The following MACROD2 variants were observed in gnomAD, a reference collection of about 807,000 sequenced individuals.
The protein encoded by MACROD2 is ADP-ribose glycohydrolase MACROD2.
MACROD2 carries 36 observed loss-of-function variants against 70.4 expected under a neutral mutation model. The ratio of observed to expected loss-of-function variants is 0.51; its 90% CI spans 0.39 to 0.68. MACROD2 has a LOEUF of 0.68. Among genes scored for constraint, MACROD2 ranks in the 30% least tolerant of loss-of-function variants. The probability of loss-of-function intolerance (pLI) is 0.00; values close to 1 mark genes in which losing one functional copy is unlikely to be tolerated. For synonymous variants in MACROD2, 172 were observed against 178.8 expected (o/e 0.96, Z 0.30); for missense variants, 496 against 538.4 (o/e 0.92, Z 0.78).
chr20:14,649,505 G>A (rs140201221), intron 4 of MACROD2, among the ~76,000 whole-genome samples: 40 of 152,252 alleles, frequency 2.6e-4, no homozygotes, highest in African/African-American at 8.7e-4. Context: ...TCCAGCTCCC[G>A]AAGAGGAGTT....
intron 3 of MACROD2, among the ~76,000 whole-genome samples, chr20:14,474,153 G>T (rs1239464704): frequency 6.6e-6 from 1 of 151,336 alleles, no homozygotes; most frequent in African/African-American, 2.4e-5. Flanking sequence ...GTTTCCCTTT[G>T]CTGTGCAGAA....
intron 8 of MACROD2, among the ~76,000 whole-genome samples, chr20:15,800,235 A>G (rs558100879): frequency 1.3e-4 from 20 of 152,184 alleles, no homozygotes; most frequent in African/African-American, 4.8e-4. Context: ...TCTGTAAGTT[A>G]TCTCTTCACT....
At chr20:14,469,688 T>G (rs1476844289) in intron 3 of MACROD2, among the ~76,000 whole-genome samples, 1 of 151,934 alleles carries the variant, frequency 6.6e-6, no homozygotes, top group Non-Finnish European at 1.5e-5. Flanking sequence ...ATCTTCAATC[T>G]CTGATATCCT....
intron 3 of MACROD2, among the ~76,000 whole-genome samples, chr20:14,248,174 G>A (rs984756358): frequency 1.3e-5 from 2 of 152,160 alleles, no homozygotes; most frequent in African/African-American, 4.8e-5. Flanking sequence ...TTCAGAGTCA[G>A]GAATAAGCTC....
chr20:14,608,683 G>A (rs542246576), intron 4 of MACROD2, among the ~76,000 whole-genome samples: 2 of 152,286 alleles, frequency 1.3e-5, no homozygotes, highest in African/African-American at 4.8e-5. Flanking sequence ...AGGATGAGGG[G>A]AGAGCGACAA....
chr20:15,426,144 T>C (rs531762941), intron 6 of MACROD2, among the ~76,000 whole-genome samples: 3 of 149,806 alleles, frequency 2.0e-5, no homozygotes, highest in African/African-American at 4.9e-5. Flanking sequence ...TTCCCTCCAC[T>C]ATTGTCCTAT....
intron 8 of MACROD2, among the ~76,000 whole-genome samples, chr20:15,662,281 C>T (rs914544302): frequency 3.3e-5 from 5 of 152,174 alleles, no homozygotes; most frequent in Admixed American, 1.3e-4. Context: ...TCAGTATCCC[C>T]GGGCACGGGG....
At chr20:15,095,745 C>T (rs950336512) in intron 5 of MACROD2, among the ~76,000 whole-genome samples, 2 of 151,978 alleles carry the variant, frequency 1.3e-5, no homozygotes, top group Admixed American at 1.3e-4. Context: ...TCTCGATCTC[C>T]TGACCTCGTG....
At chr20:14,136,861 G>T (rs1160410111) in intron 3 of MACROD2, among the ~76,000 whole-genome samples, 1 of 151,972 alleles carries the variant, frequency 6.6e-6, no homozygotes, top group East Asian at 1.9e-4. Flanking sequence ...ATTCTTTCAG[G>T]ACCCAACTCA....
At chr20:14,840,772 T>C (rs538770230) in intron 5 of MACROD2, among the ~76,000 whole-genome samples, 1 of 152,256 alleles carries the variant, frequency 6.6e-6, no homozygotes, top group Admixed American at 6.5e-5. Context: ...CTTTTTCACT[T>C]TACTCTTTGC....
intron 8 of MACROD2, among the ~76,000 whole-genome samples, chr20:15,602,838 A>C (rs1330402296): frequency 2.6e-5 from 4 of 152,138 alleles, no homozygotes; most frequent in African/African-American, 4.8e-5. Context: ...CTGCCATTTT[A>C]CTTCCTGCAA....
chr20:15,745,463 T>C (rs1026194930), intron 8 of MACROD2, among the ~76,000 whole-genome samples: 2 of 152,138 alleles, frequency 1.3e-5, no homozygotes, highest in Non-Finnish European at 2.9e-5. Flanking sequence ...TCTTTTCTCA[T>C]TGTGAGAAAA....
chr20:15,942,031 G>A (rs537445342), intron 12 of MACROD2, among the ~76,000 whole-genome samples: 23 of 152,248 alleles, frequency 1.5e-4, no homozygotes, highest in South Asian at 1.2e-3. Flanking sequence ...TAAAAAATTC[G>A]AACAGTCATG....
chr20:15,573,699 A>G (rs1021117165), intron 8 of MACROD2, among the ~76,000 whole-genome samples: 15 of 151,844 alleles, frequency 9.9e-5, no homozygotes, highest in African/African-American at 3.4e-4. Flanking sequence ...TCATCAAGCA[A>G]CCCCCTTGTG....
chr20:14,540,538 A>G (rs2085419668), intron 4 of MACROD2, among the ~76,000 whole-genome samples: 1 of 152,172 alleles, frequency 6.6e-6, no homozygotes, highest in Non-Finnish European at 1.5e-5. Flanking sequence ...TTCAAGTGGA[A>G]TGGCCCTGGG....
chr20:15,959,432 G>C (rs748171746), intron 12 of MACROD2, among the ~76,000 whole-genome samples: 1 of 152,122 alleles, frequency 6.6e-6, no homozygotes, highest in Non-Finnish European at 1.5e-5. Context: ...TATAAGTTTC[G>C]TGAGTACTGT....
intron 3 of MACROD2, among the ~76,000 whole-genome samples, chr20:14,219,862 G>A (rs570003829): frequency 9.0e-4 from 137 of 152,304 alleles, no homozygotes; most frequent in African/African-American, 3.1e-3. Context: ...TCTGCACAGA[G>A]TCCTGTGATA....
intron 3 of MACROD2, among the ~76,000 whole-genome samples, chr20:14,455,453 T>G (rs1174786696): frequency 6.6e-6 from 1 of 151,898 alleles, no homozygotes; most frequent in Admixed American, 6.6e-5. Flanking sequence ...TTTGTAAGCC[T>G]CTCATTGGTA....
chr20:15,282,246 T>G (rs535537508), intron 6 of MACROD2, among the ~76,000 whole-genome samples: 1 of 152,342 alleles, frequency 6.6e-6, no homozygotes, highest in South Asian at 2.1e-4. Context: ...TTTTCCCCAT[T>G]GTCTTGGTGA....
Sources: allele counts gnomAD v4.1 joint callset (sites outside exome capture counted in the v4.1 genomes callset), GRCh38; gene constraint gnomAD v4.1.1; transcripts MANE v1.5; gene names NCBI Gene and HGNC (gene_info 2026-07-23, HGNC 2026-07-21).